Variants in PPM1K observed in about 807,000 individuals in gnomAD.
PPM1K encodes the protein protein phosphatase Mn(2+)-dependent 1K.
A neutral mutation model predicts 32.6 loss-of-function variants in PPM1K; 19 were observed. The ratio of observed to expected loss-of-function variants is 0.58; its 90% CI spans 0.41 to 0.86. The LOEUF (loss-of-function observed/expected upper bound fraction) is 0.86, where lower values mean the gene tolerates loss of function less well. Among genes scored for constraint, PPM1K ranks in the 40% least tolerant of loss-of-function variants. PPM1K has a pLI of 0.00. For missense variants in PPM1K, 362 were observed against 461.2 expected, an observed-to-expected ratio of 0.78 and a Z score of 1.97; for synonymous variants, 159 against 165.3, an observed-to-expected ratio of 0.96 and a Z score of 0.29.
intron 5 of PPM1K, 26 bp from the exon 6 acceptor site, chr4:88,265,161 A>G (rs1578311611): frequency 6.2e-7 from 1 of 1,613,680 alleles, no homozygotes; most frequent in African/African-American, 1.3e-5. Context: ...AATGCCTATG[A>G]TTATAAGCTA....
intron 3 of PPM1K, 156 bp downstream of exon 3, chr4:88,276,987 A>T (rs1164144466): frequency 2.9e-6 from 2 of 682,762 alleles, no homozygotes; most frequent in Non-Finnish European, 4.8e-6. Context: ...AACAGCATTT[A>T]ATGTGATTCT....
intron 1 of PPM1K, among the ~76,000 whole-genome samples, chr4:88,282,709 ATGTCTATG>A (rs1278107896): frequency 6.6e-6 from 1 of 152,222 alleles, no homozygotes. Context: ...TAATGTGAAT[ATGTCTATG>A]TTCAGATGTG....
chr4:88,283,206 T>G (rs996263241), intron 1 of PPM1K, among the ~76,000 whole-genome samples: 9 of 152,076 alleles, frequency 5.9e-5, no homozygotes, highest in Non-Finnish European at 1.0e-4. Context: ...CCTCGACCAC[T>G]CAGGATCAAG....
Position 88,262,529 on chromosome 4 carries a change from CTTATCAG to C in PPM1K, c.*59_*65del. 6.4e-7 allele frequency: 1 copy of C among 1,572,604 alleles called. No individual in the cohort carries two copies. Among genetic ancestry groups the C allele is most frequent in the African/African-American group, 1.4e-5 (1 of 73,638 alleles). On this transcript the variant is annotated 3_prime_UTR_variant, in exon 7 of 7. Coordinates refer to ENST00000608933, the MANE Select transcript of PPM1K (RefSeq NM_152542.5). ...TAGTGAGTTAGGAGACCTTTTTGAT[CTTATCAG>C]TTTCTTGACATGCTCAGTGAAAAAC...
At chr4:88,268,995 G>T in intron 3 of PPM1K, 89 bp from the exon 4 acceptor site, 2 of 1,094,868 alleles carry the variant, frequency 1.8e-6, no homozygotes, top group Non-Finnish European at 1.3e-6. Flanking sequence ...ACACAAGCAT[G>T]ATAAACTAAT....
chr4:88,268,370 G>C (rs201900424), intron 4 of PPM1K, 36 bp from the exon 5 acceptor site: 44 of 1,613,466 alleles, frequency 2.7e-5, no homozygotes, highest in East Asian at 8.9e-5. Flanking sequence ...GTGATATGTA[G>C]AAAACCCTTT....
chr4:88,281,976 A>G (rs1237115107), intron 1 of PPM1K, among the ~76,000 whole-genome samples: 2 of 152,162 alleles, frequency 1.3e-5, no homozygotes, highest in African/African-American at 4.8e-5. Context: ...TAAGGAAAAA[A>G]AAAAAGCAAT....
chr4:88,278,806 C>T lies in PPM1K; in HGVS notation c.-59-164G>A. 1 of 526,732 alleles carries T rather than the reference C, an allele frequency of 1.9e-6. No individual in the cohort carries two copies. The highest frequency in any genetic ancestry group is 3.4e-6 in the Non-Finnish European group (1 of 297,890). 32.6% of individuals were successfully genotyped at this position (526,732 alleles called of 1,614,324 possible). ...CTCATAAAGGATTTGACAGAAAATA[C>T]ATATATTTATGTTATATATTGGGTA... is the stretch of plus-strand genomic sequence containing the variant. On this transcript the variant is annotated intron_variant, in intron 1 of 6. Coordinates refer to ENST00000608933, the MANE Select transcript of PPM1K (RefSeq NM_152542.5). This position sits in a 1 kb window ranked among gnomAD's most constrained non-coding sequence, Gnocchi z 4.2.
At chr4:88,272,717 C>CA (rs1382090486) in intron 3 of PPM1K, among the ~76,000 whole-genome samples, 1 of 152,180 alleles carries the variant, frequency 6.6e-6, no homozygotes, top group East Asian at 1.9e-4. Flanking sequence ...AATGCATTAA[C>CA]AAAAAAGCAA....
At chr4:88,282,225 A>G (rs1181959849) in intron 1 of PPM1K, among the ~76,000 whole-genome samples, 1 of 152,230 alleles carries the variant, frequency 6.6e-6, no homozygotes, top group Non-Finnish European at 1.5e-5. Context: ...CAAGTCATCC[A>G]AAAGGAAAGC....
intron 6 of PPM1K, among the ~76,000 whole-genome samples, chr4:88,263,991 A>T (rs1212873237): frequency 6.6e-6 from 1 of 152,244 alleles, no homozygotes; most frequent in Non-Finnish European, 1.5e-5. Context: ...TATGTATAAG[A>T]ATAAAATGGA....
intron 6 of PPM1K, among the ~76,000 whole-genome samples, chr4:88,263,307 GAA>G (rs551032734): frequency 1.3e-5 from 2 of 151,244 alleles, no homozygotes; most frequent in African/African-American, 4.9e-5. Flanking sequence ...GAATTGGTAA[GAA>G]AAAAAAATAT....
intron 3 of PPM1K, among the ~76,000 whole-genome samples, chr4:88,269,141 T>A (rs1026671138): frequency 2.6e-5 from 4 of 152,238 alleles, no homozygotes; most frequent in Non-Finnish European, 4.4e-5. Context: ...TTGCTAACCT[T>A]ATTTGGCAAA....
intron 2 of PPM1K, chr4:88,277,611 A>C (rs1324134581): frequency 5.0e-6 from 1 of 201,082 alleles, no homozygotes; most frequent in East Asian, 1.3e-4. Context: ...TAACTCCATC[A>C]CATGTTCTCC....
Position 88,262,506 on chromosome 4 carries a change from G to T in PPM1K, c.*89C>A. 1 of 1,453,462 alleles carries T rather than the reference G, an allele frequency of 6.9e-7. No individual in the cohort carries two copies. The highest frequency in any genetic ancestry group is 9.4e-7 in the Non-Finnish European group (1 of 1,068,760). 90.0% of individuals were successfully genotyped at this position (1,453,462 alleles called of 1,614,324 possible). ...TTACACTGACTTGTGCGCTGATCTAGTGAGTTAGGAGACCTTTTTGATCTT... is the reference window on the plus strand; with the variant it reads ...TTACACTGACTTGTGCGCTGATCTATTGAGTTAGGAGACCTTTTTGATCTT... On this transcript the variant is annotated 3_prime_UTR_variant, in exon 7 of 7. Coordinates refer to ENST00000608933, the MANE Select transcript of PPM1K (RefSeq NM_152542.5).
intron 3 of PPM1K, among the ~76,000 whole-genome samples, chr4:88,272,520 C>A (rs1731604693): frequency 6.6e-6 from 1 of 152,160 alleles, no homozygotes; most frequent in Admixed American, 6.5e-5. Context: ...AGAATTATAA[C>A]CTAATTTTCT....
Position 88,278,527 on chromosome 4 carries a change from C to A in PPM1K, c.57G>T (p.Arg19Ser). The change falls in exon 2 of 7, where the codon AGG becomes AGT. Residue 19 changes from arginine to serine, a missense_variant. Coordinates refer to ENST00000608933, the MANE Select transcript of PPM1K (RefSeq NM_152542.5). The surrounding 1 kb of genome is among the most constrained non-coding windows in gnomAD (Gnocchi z 4.2). Reference sequence around the variant, plus strand: ...GCAGGCGGGAGCTTAGCAGCACTCTCCTTCTCACCTGGTTCCCACCACTTC... The same window carrying A: ...GCAGGCGGGAGCTTAGCAGCACTCTACTTCTCACCTGGTTCCCACCACTTC... ...LVRSGGNQVR[R>S]RVLLSSRLLQ... is the part of the protein sequence containing the mutation. The A allele has an allele frequency of 6.2e-7, 1 of 1,614,106 alleles. No homozygotes were observed. The highest frequency in any genetic ancestry group is 1.1e-5 in the South Asian group (1 of 91,060).
Position 88,278,610 on chromosome 4 carries a change from G to A in PPM1K, c.-27C>T. 3 of 1,554,184 alleles carry A rather than the reference G, an allele frequency of 1.9e-6. No homozygotes were observed. The highest frequency in any genetic ancestry group is 2.6e-6 in the Non-Finnish European group (3 of 1,145,120). On this transcript the variant is annotated 5_prime_UTR_variant, in exon 2 of 7. Transcript: ENST00000608933. This position sits in a 1 kb window ranked among gnomAD's most constrained non-coding sequence, Gnocchi z 4.2. ...ACTCAGCTCCAAAGGACTCAGTGAT[G>A]AGGGAAAGGTCAATGGAACAATAAT...
At chr4:88,270,893 G>A in intron 3 of PPM1K, 1 of 285,106 alleles carries the variant, frequency 3.5e-6, no homozygotes, top group Non-Finnish European at 7.0e-6. Flanking sequence ...TATTAAATCA[G>A]CATTCATTTT....
Sources: allele counts gnomAD v4.1 joint callset (sites outside exome capture counted in the v4.1 genomes callset), GRCh38; gene constraint gnomAD v4.1.1; non-coding constraint Gnocchi (gnomAD v3.1); transcripts MANE v1.5; gene names NCBI Gene and HGNC (gene_info 2026-07-23, HGNC 2026-07-21).